The following GRIK1 variants were observed in gnomAD, a reference collection of about 807,000 sequenced individuals.
GRIK1 encodes glutamate receptor ionotropic, kainate 1.
A neutral mutation model predicts 105.7 loss-of-function variants in GRIK1; 69 were observed. The ratio of observed to expected loss-of-function variants is 0.65; its 90% CI spans 0.54 to 0.80. The LOEUF is 0.80. GRIK1 is among the 30% of genes least tolerant of loss of function. GRIK1 has a pLI of 0.00. For synonymous variants in GRIK1, 438 were observed against 431.3 expected, an observed-to-expected ratio of 1.02 and a Z score of -0.19; for missense variants, 1,109 against 1,167.3, an observed-to-expected ratio of 0.95 and a Z score of 0.73.
At chr21:29,789,667 G>C (rs974146949) in intron 1 of GRIK1, among the ~76,000 whole-genome samples, 6 of 152,042 alleles carry the variant, frequency 3.9e-5, no homozygotes, top group Non-Finnish European at 7.4e-5. Context: ...TATTGCAAAA[G>C]TCCTTTCAAA....
Position 29,591,279 on chromosome 21 carries a change from C to G in GRIK1, c.1252-54G>C, listed in dbSNP as rs1014013459. On this transcript the variant is annotated intron_variant, in intron 9 of 17. Transcript: ENST00000327783. ...GCTGGCTGTCAGTGTGGCATTTACA[C>G]CAAAGAGAGGCCCCTTCTCTACCAG... is the stretch of plus-strand genomic sequence containing the variant. The G allele has an allele frequency of 7.0e-6, 7 of 1,005,256 alleles. No individual in the cohort carries two copies. In the Admixed American group the frequency reaches 1.2e-4, roughly 17 times the overall value. 62.3% of individuals were successfully genotyped at this position (1,005,256 alleles called of 1,614,324 possible). A position where few individuals can be genotyped will look rare whatever the true frequency, so the allele number is the denominator to read the frequency against.
intron 1 of GRIK1, among the ~76,000 whole-genome samples, chr21:29,917,049 GT>G (rs751568501): frequency 2.0e-5 from 3 of 151,826 alleles, no homozygotes; most frequent in Non-Finnish European, 4.4e-5. Context: ...TGCTTCTGAT[GT>G]TTTTCTCATT....
At position 29,799,352 on chromosome 21, in the gene GRIK1, TAG is replaced by T. The variant is rs897293506; in HGVS notation, c.119-105291_119-105290del. ...TATTCACGGAATGTCTCACTTAAGG[TAG>T]AGAGTAGAATATCTTCCACTTAACA... is the stretch of plus-strand genomic sequence containing the variant. On this transcript the variant is annotated intron_variant, in intron 1 of 17. Coordinates refer to ENST00000327783, the MANE Select transcript of GRIK1 (RefSeq NM_001330994.2). 3.9e-5 allele frequency among the ~76,000 whole-genome samples: 6 copies of T among 152,250 alleles called. No individual in the cohort carries two copies. The East Asian group carries it at 1.2e-3, about 29-fold the overall frequency.
intron 1 of GRIK1, among the ~76,000 whole-genome samples, chr21:29,722,008 T>C (rs11909308): frequency 0.02 from 3,085 of 152,276 alleles, 109 homozygotes; most frequent in African/African-American, 0.071. Flanking sequence ...TTCCTGTCGA[T>C]GAAAGGAAGA....
intron 9 of GRIK1, chr21:29,596,046 A>G (rs933190801): frequency 3.9e-6 from 1 of 254,230 alleles, no homozygotes. Context: ...TGAGAAAAGG[A>G]AATTTCTGAA....
chr21:29,568,247 A>G (rs2090657176), intron 14 of GRIK1, among the ~76,000 whole-genome samples: 3 of 152,260 alleles, frequency 2.0e-5, no homozygotes, highest in Non-Finnish European at 4.4e-5. Context: ...TTTTTCCAAC[A>G]TAAGCTAGGA....
At chr21:29,597,295 A>G (rs1175800001) in intron 8 of GRIK1, among the ~76,000 whole-genome samples, 1 of 152,244 alleles carries the variant, frequency 6.6e-6, no homozygotes, top group Admixed American at 6.5e-5. Flanking sequence ...CTTTCATCTA[A>G]TTTGATTTTG....
chr21:29,579,800 C>T (rs1409326967), intron 13 of GRIK1, among the ~76,000 whole-genome samples: 1 of 151,874 alleles, frequency 6.6e-6, no homozygotes, highest in South Asian at 2.1e-4. Context: ...GACACTGCAT[C>T]CCACAGTGTG....
intron 3 of GRIK1, among the ~76,000 whole-genome samples, chr21:29,673,536 C>G (rs1257643412): frequency 6.6e-6 from 1 of 152,172 alleles, no homozygotes; most frequent in African/African-American, 2.4e-5. Flanking sequence ...ATCACACCTG[C>G]TCACTTACAA....
chr21:29,789,555 A>G (rs2066355068), intron 1 of GRIK1, among the ~76,000 whole-genome samples: 1 of 152,202 alleles, frequency 6.6e-6, no homozygotes, highest in South Asian at 2.1e-4. Flanking sequence ...TCTGTAAAAG[A>G]AAAGCTCTTT....
chr21:29,570,954 T>TAC (rs2090732275), intron 14 of GRIK1, among the ~76,000 whole-genome samples: 2 of 150,744 alleles, frequency 1.3e-5, no homozygotes, highest in African/African-American at 4.9e-5. Flanking sequence ...CTTGTGTAAA[T>TAC]ACAGTCCTTG....
intron 1 of GRIK1, among the ~76,000 whole-genome samples, chr21:29,699,074 C>G (rs918831004): frequency 2.0e-5 from 3 of 152,190 alleles, no homozygotes; most frequent in African/African-American, 7.2e-5. Flanking sequence ...GTCCTTCATA[C>G]TCTGTGTTCC....
At chr21:29,611,891 A>T (rs1601261758) in intron 7 of GRIK1, among the ~76,000 whole-genome samples, 1 of 152,232 alleles carries the variant, frequency 6.6e-6, no homozygotes, top group Non-Finnish European at 1.5e-5. Flanking sequence ...TCACTCATTT[A>T]GTGGCATGTT....
chr21:29,665,949 A>G (rs984566982), intron 4 of GRIK1, among the ~76,000 whole-genome samples: 1 of 152,244 alleles, frequency 6.6e-6, no homozygotes, highest in Admixed American at 6.5e-5. Context: ...AGTAAATACC[A>G]GATAAATGGT....
At chr21:29,685,927 C>A (rs1021283912) in intron 3 of GRIK1, among the ~76,000 whole-genome samples, 1 of 152,200 alleles carries the variant, frequency 6.6e-6, no homozygotes, top group African/African-American at 2.4e-5. Context: ...TAGAAAGATT[C>A]TCTTTTCCCT....
chr21:29,810,512 A>G (rs12482460), intron 1 of GRIK1, among the ~76,000 whole-genome samples: 11,917 of 152,166 alleles, frequency 0.078, 515 homozygotes, highest in Non-Finnish European at 0.091. Context: ...GCTCAATAAG[A>G]TGAGGTATGC....
At chr21:29,810,261 C>G (rs976184518) in intron 1 of GRIK1, among the ~76,000 whole-genome samples, 1 of 150,538 alleles carries the variant, frequency 6.6e-6, no homozygotes, top group Admixed American at 6.6e-5. Context: ...CTTGCCACTG[C>G]ACTCCAACCT....
At chr21:29,845,028 T>G (rs1280501600) in intron 1 of GRIK1, among the ~76,000 whole-genome samples, 1 of 152,216 alleles carries the variant, frequency 6.6e-6, no homozygotes, top group Non-Finnish European at 1.5e-5. Context: ...GATATTTATA[T>G]TATTCCTTCC....
intron 16 of GRIK1, among the ~76,000 whole-genome samples, chr21:29,543,446 G>C (rs546220119): frequency 6.6e-6 from 1 of 152,166 alleles, no homozygotes; most frequent in Non-Finnish European, 1.5e-5. Flanking sequence ...AAGGCAGGTG[G>C]AAGGAGATTT....
Sources: gnomAD v4.1 joint callset for allele counts (sites outside exome capture counted in the v4.1 genomes callset) on GRCh38, gnomAD v4.1.1 for gene constraint, MANE v1.5 for transcripts, NCBI Gene and HGNC (gene_info 2026-07-23, HGNC 2026-07-21) for gene names.